VWA8: variants seen among roughly 807,000 people sequenced by gnomAD.
The protein encoded by VWA8 is von Willebrand factor A domain-containing protein 8.
In VWA8, 221 loss-of-function variants were observed where a neutral mutation model predicts 241.5. The ratio of observed to expected loss-of-function variants is 0.91; its 90% CI spans 0.82 to 1.02. VWA8 has a LOEUF of 1.02. VWA8 is among the 50% of genes least tolerant of loss of function. VWA8 has a pLI of 0.00. For synonymous variants in VWA8, 852 were observed against 827.1 expected (o/e 1.03, Z -0.52); for missense variants, 2,322 against 2,328.7 (o/e 1.00, Z 0.06).
intron 18 of VWA8, among the ~76,000 whole-genome samples, chr13:41,784,525 C>T (rs752113307): frequency 9.1e-4 from 137 of 150,980 alleles, no homozygotes; most frequent in Non-Finnish European, 2.8e-4. Context: ...TTATCCAGGC[C>T]TGATGGCATA....
At chr13:41,572,816 A>G (rs956009193) in intron 43 of VWA8, among the ~76,000 whole-genome samples, 1 of 150,680 alleles carries the variant, frequency 6.6e-6, no homozygotes, top group Non-Finnish European at 1.5e-5. Flanking sequence ...AAAAAAAAAA[A>G]AAAAAGAAAC....
chr13:41,854,253 C>T (rs1872647056), intron 12 of VWA8, among the ~76,000 whole-genome samples: 1 of 151,924 alleles, frequency 6.6e-6, no homozygotes, highest in South Asian at 2.1e-4. Flanking sequence ...TTAAAAATAT[C>T]AGTATCAAAA....
In VWA8 at chr13:41,618,421, G is replaced by T. The variant is rs1429692229; in HGVS notation, c.4612-3337C>A. On this transcript the variant is annotated intron_variant, in intron 37 of 44. Coordinates refer to ENST00000379310, the MANE Select transcript of VWA8 (RefSeq NM_015058.2). The stretch of plus-strand genomic sequence containing the variant: ...TGTAAAAATTTTCTCCCATTCTGTA[G>T]GTTGCCTGTTCACTCTGATGGTAGT... 3.3e-5 allele frequency among the ~76,000 whole-genome samples: 5 copies of T among 152,296 alleles called. No individual in the cohort carries two copies. The East Asian group carries it at 5.8e-4, about 18-fold the overall frequency.
At chr13:41,901,403 C>A (rs1291681665) in intron 4 of VWA8, among the ~76,000 whole-genome samples, 1 of 152,122 alleles carries the variant, frequency 6.6e-6, no homozygotes, top group African/African-American at 2.4e-5. Flanking sequence ...TTCTAAGCCC[C>A]TGTTACTTAA....
chr13:41,883,314 G>T, intron 9 of VWA8, 73 bp downstream of exon 9: 2 of 1,185,712 alleles, frequency 1.7e-6, no homozygotes, highest in African/African-American at 1.5e-5. Flanking sequence ...GGAAAGGAGT[G>T]AGGGGAAGAT....
intron 9 of VWA8, among the ~76,000 whole-genome samples, chr13:41,878,388 T>A (rs1181670717): frequency 6.6e-6 from 1 of 151,724 alleles, no homozygotes; most frequent in Non-Finnish European, 1.5e-5. Context: ...CCAGAACAGA[T>A]GATAAAGAAT....
At chr13:41,918,377 T>C (rs188439475) in intron 2 of VWA8, among the ~76,000 whole-genome samples, 1 of 152,326 alleles carries the variant, frequency 6.6e-6, no homozygotes, top group East Asian at 1.9e-4. Flanking sequence ...CATCAATATG[T>C]ATGAAATAAT....
intron 4 of VWA8, among the ~76,000 whole-genome samples, chr13:41,896,270 A>T (rs937118813): frequency 3.3e-5 from 5 of 152,104 alleles, no homozygotes; most frequent in African/African-American, 1.2e-4. Context: ...AAATGATTAA[A>T]CATTTTAAAA....
At chr13:41,938,109 C>T (rs1350573522) in intron 2 of VWA8, among the ~76,000 whole-genome samples, 2 of 150,656 alleles carry the variant, frequency 1.3e-5, no homozygotes, top group Non-Finnish European at 3.0e-5. Context: ...TGCAGTGAGC[C>T]GAGATCGCCA....
chr13:41,881,662 C>T (rs1874201700), intron 9 of VWA8, among the ~76,000 whole-genome samples: 1 of 150,082 alleles, frequency 6.7e-6, no homozygotes, highest in Non-Finnish European at 1.5e-5. Flanking sequence ...CTCCTCACTT[C>T]CCAGTAGGGG....
chr13:41,612,728 G>T (rs73464946), intron 38 of VWA8, among the ~76,000 whole-genome samples: 1 of 152,100 alleles, frequency 6.6e-6, no homozygotes, highest in Non-Finnish European at 1.5e-5. Context: ...AACTTAGAAG[G>T]GAATCCAATA....
chr13:41,720,420 C>T (rs2045380247), intron 25 of VWA8, among the ~76,000 whole-genome samples: 1 of 152,028 alleles, frequency 6.6e-6, no homozygotes, highest in Non-Finnish European at 1.5e-5. Context: ...TTTTAATTGA[C>T]AAATAATAAC....
At chr13:41,811,877 A>G (rs1178594222) in intron 16 of VWA8, among the ~76,000 whole-genome samples, 1 of 152,184 alleles carries the variant, frequency 6.6e-6, no homozygotes, top group Non-Finnish European at 1.5e-5. Flanking sequence ...TCACTTTGCT[A>G]TATTACATTT....
At chr13:41,928,836 G>GA (rs1440947443) in intron 2 of VWA8, among the ~76,000 whole-genome samples, 1 of 150,012 alleles carries the variant, frequency 6.7e-6, no homozygotes, top group Non-Finnish European at 1.5e-5. Flanking sequence ...TTGTTTAAGG[G>GA]AAAAAAAAAA....
chr13:41,874,694 C>T (rs929926120), intron 9 of VWA8, among the ~76,000 whole-genome samples: 1 of 152,144 alleles, frequency 6.6e-6, no homozygotes, highest in Non-Finnish European at 1.5e-5. Flanking sequence ...TTCATCCTTA[C>T]AATTCCCAAT....
chr13:41,907,574 G>T lies in VWA8; in HGVS notation c.483+12C>A. On this transcript the variant is annotated intron_variant, in intron 4 of 44. Transcript: ENST00000379310. ...AGTACACAGTCATGGGCTAGAGTGT[G>T]ACAGAACTTGCCTGATCAATGTAAA... 6.2e-7 allele frequency: 1 copy of T among 1,612,388 alleles called. No individual in the cohort carries two copies. Among genetic ancestry groups the T allele is most frequent in the African/African-American group, 1.3e-5 (1 of 75,002 alleles).
At chr13:41,744,675 T>C (rs1305179412) in intron 21 of VWA8, among the ~76,000 whole-genome samples, 1 of 152,162 alleles carries the variant, frequency 6.6e-6, no homozygotes. Context: ...TCTGTCTGCT[T>C]ACCTAACAAC....
chr13:41,731,089 T>C (rs1206422004), intron 22 of VWA8, among the ~76,000 whole-genome samples: 1 of 149,766 alleles, frequency 6.7e-6, no homozygotes, highest in Non-Finnish European at 1.5e-5. Flanking sequence ...AAAAACTGAA[T>C]TTAAAAAAAG....
intron 19 of VWA8, among the ~76,000 whole-genome samples, chr13:41,782,523 CATTT>C (rs544954601): frequency 6.6e-5 from 10 of 151,976 alleles, no homozygotes; most frequent in Non-Finnish European, 1.5e-4. Context: ...ATTTTCTGTT[CATTT>C]GTTTACTGAT....
Sources: allele counts gnomAD v4.1 joint callset (sites outside exome capture counted in the v4.1 genomes callset), GRCh38; gene constraint gnomAD v4.1.1; transcripts MANE v1.5; gene names NCBI Gene and HGNC (gene_info 2026-07-23, HGNC 2026-07-21).